Variants in TSBP1 observed in about 807,000 individuals in gnomAD.
TSBP1 encodes testis expressed basic protein 1, also known as testis-expressed basic protein 1.
A neutral mutation model predicts 68.8 loss-of-function variants in TSBP1; 56 were observed. That is an observed-to-expected ratio of 0.81 (90% CI 0.66 to 1.02). The LOEUF (loss-of-function observed/expected upper bound fraction) is 1.02. Among genes scored for constraint, TSBP1 ranks in the 50% least tolerant of loss-of-function variants. The pLI is 0.00. For synonymous variants in TSBP1, 171 were observed against 208.7 expected, an observed-to-expected ratio of 0.82 and a Z score of 1.56; for missense variants, 502 against 641.2, an observed-to-expected ratio of 0.78 and a Z score of 2.34.
At position 32,321,376 on chromosome 6, in the gene TSBP1, T is replaced by C. The variant is rs1384421600; in HGVS notation, c.559+1741A>G. Among the ~76,000 whole-genome samples, 1 of 152,218 alleles carries C rather than the reference T, an allele frequency of 6.6e-6. No homozygotes were observed. The highest frequency in any genetic ancestry group is 1.5e-5 in the Non-Finnish European group (1 of 68,042). ...TCTTTTTCCTGCCCATACTCTCTGATGACTTCTCTGAAAAGGACACTATGC... is the reference window on the plus strand; with the variant it reads ...TCTTTTTCCTGCCCATACTCTCTGACGACTTCTCTGAAAAGGACACTATGC... On this transcript the variant is annotated intron_variant, in intron 18 of 22. Transcript: ENST00000612031. The surrounding 1 kb of genome is among the most constrained non-coding windows in gnomAD (Gnocchi z 4.3).
intron 19 of TSBP1, among the ~76,000 whole-genome samples, chr6:32,313,085 C>T (rs1388342579): frequency 6.6e-6 from 1 of 152,186 alleles, no homozygotes; most frequent in Non-Finnish European, 1.5e-5. Context: ...GTCGCTCTGG[C>T]CCTACCTCCT....
intron 16 of TSBP1, chr6:32,324,312 ACTT>A (rs1049094285): frequency 2.4e-5 from 9 of 368,490 alleles, no homozygotes; most frequent in South Asian, 5.5e-5. Flanking sequence ...GGTTACAGAA[ACTT>A]CTTATCTACT....
chr6:32,362,299 A>AAAAAAAG (rs1554209847), intron 6 of TSBP1, among the ~76,000 whole-genome samples: 2 of 150,940 alleles, frequency 1.3e-5, no homozygotes, highest in Non-Finnish European at 3.0e-5. Context: ...AAAAAAAAAA[A>AAAAAAAG]AAAAAAGAAG....
chr6:32,327,411 G>C lies in TSBP1; in HGVS notation c.514+3178C>G, dbSNP rs184336065. On this transcript the variant is annotated intron_variant, in intron 16 of 22. Transcript: ENST00000612031. ...GGCTTAAAGAGGGTAACTGCAGAGA[G>C]GATATGGGGGGCCCTAAAATCTGAC... 2.2e-3 allele frequency among the ~76,000 whole-genome samples: 331 copies of C among 152,292 alleles called. 2 individuals carry two copies. The highest frequency in any genetic ancestry group is 7.6e-3 in the African/African-American group (314 of 41,562).
intron 19 of TSBP1, among the ~76,000 whole-genome samples, chr6:32,309,583 ATTC>A (rs140754668): frequency 0.2 from 30,865 of 151,742 alleles, 3,275 homozygotes; most frequent in Non-Finnish European, 0.21. Context: ...GTTCTGTTGT[ATTC>A]TTTTTAAAAT....
intron 9 of TSBP1, among the ~76,000 whole-genome samples, chr6:32,342,351 C>T (rs1000381928): frequency 3.9e-5 from 6 of 151,902 alleles, no homozygotes; most frequent in East Asian, 1.9e-4. Context: ...TTGGTAGAGA[C>T]GGGGTTTCAG....
chr6:32,317,746 C>T (rs1235662434), intron 18 of TSBP1, among the ~76,000 whole-genome samples: 1 of 152,150 alleles, frequency 6.6e-6, no homozygotes, highest in African/African-American at 2.4e-5. Flanking sequence ...AAGTCAAAAC[C>T]ACAATGAGAT....
chr6:32,370,048 T>C (rs1774211318), intron 1 of TSBP1, 65 bp from the exon 2 acceptor site: 4 of 992,372 alleles, frequency 4.0e-6, no homozygotes, highest in Non-Finnish European at 6.5e-6. Context: ...AAACAACTTC[T>C]GATCACCTCT....
intron 8 of TSBP1, among the ~76,000 whole-genome samples, chr6:32,354,372 T>C (rs1772041300): frequency 6.6e-6 from 1 of 152,066 alleles, no homozygotes; most frequent in South Asian, 2.1e-4. Context: ...ATTTTAAAAA[T>C]TGTATACGTA....
chr6:32,317,456 A>G (rs1767084238), intron 18 of TSBP1, among the ~76,000 whole-genome samples: 1 of 152,202 alleles, frequency 6.6e-6, no homozygotes, highest in African/African-American at 2.4e-5. Flanking sequence ...AAATTGACAG[A>G]TGGGATCTAA....
At position 32,370,407 on chromosome 6, in the gene TSBP1, G is replaced by GTGTGTGTGTA. The variant is rs1241237254; in HGVS notation, c.14-425_14-424insTACACACACA. 4.7e-3 allele frequency among the ~76,000 whole-genome samples: 610 copies of GTGTGTGTGTA among 130,674 alleles called. 10 individuals carry two copies. The highest frequency in any genetic ancestry group is 0.018 in the South Asian group (74 of 4,060). The allele number at this position is 130,674 out of a possible 152,430, so 85.7% of individuals were successfully genotyped here. Reference sequence around the variant, plus strand: ...TACCTTTAAAGTTGCAAGATTTTCTGTATATATATATATATATATATATAT... The same window carrying GTGTGTGTGTA: ...TACCTTTAAAGTTGCAAGATTTTCTGTGTGTGTGTATATATATATATATATATATATATAT... On this transcript the variant is annotated intron_variant, in intron 1 of 22. Coordinates refer to ENST00000612031, the Ensembl canonical transcript of TSBP1.
Position 32,365,374 on chromosome 6 carries a change from T to C in TSBP1, c.217+793A>G, listed in dbSNP as rs1481519190. On this transcript the variant is annotated intron_variant, in intron 6 of 22. Coordinates refer to ENST00000612031, the Ensembl canonical transcript of TSBP1. The surrounding 1 kb of genome is among the most constrained non-coding windows in gnomAD (Gnocchi z 4.3). ...TCCTTTTGTTGTCCATGGTGGCTCATTTGGGGACTCAGCCTAGATGGGAGA... is the reference window on the plus strand; with the variant it reads ...TCCTTTTGTTGTCCATGGTGGCTCACTTGGGGACTCAGCCTAGATGGGAGA... 4.4e-6 allele frequency: 2 copies of C among 457,264 alleles called. No homozygotes were observed. The highest frequency in any genetic ancestry group is 8.8e-6 in the Non-Finnish European group (2 of 227,102). 28.3% of individuals were successfully genotyped at this position (457,264 alleles called of 1,614,324 possible). A position where few individuals can be genotyped will look rare whatever the true frequency, so the allele number is the denominator to read the frequency against.
At chr6:32,308,978 C>T (rs868829223) in intron 19 of TSBP1, among the ~76,000 whole-genome samples, 56 of 100,122 alleles carry the variant, frequency 5.6e-4, no homozygotes, top group African/African-American at 2.2e-3. Flanking sequence ...TTTTTTTTGA[C>T]AGGGTCTTGC....
At position 32,338,596 on chromosome 6, in the gene TSBP1, C is replaced by T. The variant is rs780819456; in HGVS notation, c.409+383G>A. On this transcript the variant is annotated intron_variant, in intron 11 of 22. Coordinates refer to ENST00000612031, the Ensembl canonical transcript of TSBP1. This position sits in a 1 kb window ranked among gnomAD's most constrained non-coding sequence, Gnocchi z 5.5. ...AACATCAGTGACAGTCTGGGATCCTCGGTCAGTGAGCTGGGACTCACTGCA... is the reference window on the plus strand; with the variant it reads ...AACATCAGTGACAGTCTGGGATCCTTGGTCAGTGAGCTGGGACTCACTGCA... 3.3e-4 allele frequency among the ~76,000 whole-genome samples: 50 copies of T among 152,116 alleles called. No homozygotes were observed. Among genetic ancestry groups the T allele is most frequent in the Non-Finnish European group, 5.7e-4 (39 of 68,030 alleles).
rs2127642119 is a variant in TSBP1 at position 32,357,325 on chromosome 6, A to C, written c.218-1656T>G. Among the ~76,000 whole-genome samples, 1 of 152,348 alleles carries C rather than the reference A, an allele frequency of 6.6e-6. No individual in the cohort carries two copies. Among genetic ancestry groups the C allele is most frequent in the African/African-American group, 2.4e-5 (1 of 41,580 alleles). On this transcript the variant is annotated intron_variant, in intron 6 of 22. Transcript: ENST00000612031. The surrounding 1 kb of genome is among the most constrained non-coding windows in gnomAD (Gnocchi z 4.7). ...TACACTAAAGATCTGTAAACAGGAA[A>C]TTAAAAATTAAGATATTACTAAATT...
chr6:32,327,155 G>A (rs1273724013), intron 16 of TSBP1, among the ~76,000 whole-genome samples: 1 of 152,134 alleles, frequency 6.6e-6, no homozygotes, highest in African/African-American at 2.4e-5. Flanking sequence ...GCTAAATAGA[G>A]GAATAAGCAA....
At position 32,337,860 on chromosome 6, in the gene TSBP1, A is replaced by C. The variant is rs1048112823; in HGVS notation, c.409+1119T>G. The stretch of plus-strand genomic sequence containing the variant: ...CAAAGTTTGACTTGATTATTTTAAT[A>C]ATGTTCCATTTGTGTAAATACTCCA... On this transcript the variant is annotated intron_variant, in intron 11 of 22. Coordinates refer to ENST00000612031, the Ensembl canonical transcript of TSBP1. The surrounding 1 kb of genome is among the most constrained non-coding windows in gnomAD (Gnocchi z 5.5). 1.3e-5 allele frequency among the ~76,000 whole-genome samples: 2 copies of C among 152,196 alleles called. No individual in the cohort carries two copies. Among genetic ancestry groups the C allele is most frequent in the Non-Finnish European group, 2.9e-5 (2 of 68,038 alleles).
intron 16 of TSBP1, chr6:32,324,544 G>A: frequency 7.2e-7 from 1 of 1,397,034 alleles, no homozygotes; most frequent in South Asian, 1.2e-5. Flanking sequence ...GACAGCAAGA[G>A]GCCAAGATAT....
At chr6:32,348,542 T>C (rs1194702031) in intron 9 of TSBP1, among the ~76,000 whole-genome samples, 2 of 139,416 alleles carry the variant, frequency 1.4e-5, no homozygotes, top group Non-Finnish European at 3.2e-5. Context: ...TTTTAACATA[T>C]GCATGATTTT....
Sources: gnomAD v4.1 joint callset for allele counts (sites outside exome capture counted in the v4.1 genomes callset) on GRCh38, gnomAD v4.1.1 for gene constraint, Gnocchi (gnomAD v3.1) non-coding constraint, MANE v1.5 for transcripts, NCBI Gene and HGNC (gene_info 2026-07-23, HGNC 2026-07-21) for gene names.